The following ZPLD1 variants were observed in gnomAD, a reference collection of about 807,000 sequenced individuals.
The protein encoded by ZPLD1 is zona pellucida like domain containing 1.
Under a neutral mutation model 47.2 loss-of-function variants are expected in ZPLD1, and 34 were observed. The observed-to-expected ratio is 0.72, with a 90% CI of 0.55 to 0.96. The LOEUF (loss-of-function observed/expected upper bound fraction) is 0.96, where lower values mean the gene tolerates loss of function less well. Ranked by LOEUF, ZPLD1 falls within the 40% of genes least tolerant of loss-of-function variation. The probability of loss-of-function intolerance (pLI) is 0.00; values close to 1 mark genes in which losing one functional copy is unlikely to be tolerated. For missense variants in ZPLD1, 512 were observed against 505.8 expected (o/e 1.01, Z -0.12); for synonymous variants, 176 against 186.2 (o/e 0.95, Z 0.45).
At chr3:102,398,552 T>G (rs1482961524) in intron 7 of ZPLD1, among the ~76,000 whole-genome samples, 1 of 152,122 alleles carries the variant, frequency 6.6e-6, no homozygotes, top group Non-Finnish European at 1.5e-5. Flanking sequence ...GACATCTTCC[T>G]AAAACACTGT....
chr3:102,417,510 A>G (rs181782964), intron 7 of ZPLD1, among the ~76,000 whole-genome samples: 23 of 151,960 alleles, frequency 1.5e-4, no homozygotes, highest in South Asian at 4.2e-4. Flanking sequence ...GGAGGCCCCT[A>G]AACAAAAGCC....
intron 3 of ZPLD1, among the ~76,000 whole-genome samples, chr3:102,440,183 CT>C (rs1485198262): frequency 6.6e-6 from 1 of 152,092 alleles, no homozygotes; most frequent in Non-Finnish European, 1.5e-5. Flanking sequence ...GTCACTGAGT[CT>C]TTTTAAACAT....
chr3:102,391,350 C>T (rs1459837457), intron 6 of ZPLD1, among the ~76,000 whole-genome samples: 1 of 152,104 alleles, frequency 6.6e-6, no homozygotes. Context: ...TCCAAATTGC[C>T]ACAACAATGT....
In ZPLD1 at chr3:102,436,788, T is replaced by C. The variant is rs1002716730; in HGVS notation, c.-122-72T>C. ...GTTATTTTCTCCTGTGAAAAATATA[T>C]GTTAGCTAGAAAGCATTTCAGAACC... On this transcript the variant is annotated intron_variant, in intron 1 of 11. Transcript: ENST00000466937. The C allele has an allele frequency of 2.2e-5, 14 of 627,720 alleles. No homozygotes were observed. In the Admixed American group the frequency reaches 3.8e-4, roughly 17 times the overall value. 38.9% of individuals were successfully genotyped at this position (627,720 alleles called of 1,614,324 possible).
chr3:102,395,256 A>G (rs993594676), intron 7 of ZPLD1, among the ~76,000 whole-genome samples: 3 of 152,100 alleles, frequency 2.0e-5, no homozygotes, highest in Non-Finnish European at 4.4e-5. Context: ...CCAAATATAT[A>G]TATATACACA....
At chr3:102,460,701 C>T (rs1707492727) in intron 6 of ZPLD1, among the ~76,000 whole-genome samples, 1 of 151,782 alleles carries the variant, frequency 6.6e-6, no homozygotes, top group Non-Finnish European at 1.5e-5. Flanking sequence ...AAATTAAAGT[C>T]AGAAAATTAC....
chr3:102,385,570 T>C (rs1706416150), intron 6 of ZPLD1, among the ~76,000 whole-genome samples: 1 of 152,200 alleles, frequency 6.6e-6, no homozygotes, highest in Non-Finnish European at 1.5e-5. Context: ...TTTATATATT[T>C]ACAAAGGGCT....
At chr3:102,389,161 T>A (rs1424396476) in intron 6 of ZPLD1, among the ~76,000 whole-genome samples, 2 of 152,182 alleles carry the variant, frequency 1.3e-5, no homozygotes, top group Non-Finnish European at 2.9e-5. Context: ...GGAAGGCTGG[T>A]CCTTAAAAAA....
At chr3:102,413,712 G>C (rs773615940) in intron 7 of ZPLD1, among the ~76,000 whole-genome samples, 1 of 151,664 alleles carries the variant, frequency 6.6e-6, no homozygotes, top group African/African-American at 2.4e-5. Context: ...GATTTTAGTA[G>C]AAAATGATCC....
rs985721622 is a variant in ZPLD1 at position 102,479,539 on chromosome 3, T to C, written c.*1921T>C. 7.2e-5 allele frequency: 11 copies of C among 152,192 alleles called. No homozygotes were observed. The highest frequency in any genetic ancestry group is 2.2e-4 in the African/African-American group (9 of 41,450). The allele number at this position is 152,192 out of a possible 1,614,324, so 9.4% of individuals were successfully genotyped here. On this transcript the variant is annotated 3_prime_UTR_variant, in exon 12 of 12. Coordinates refer to ENST00000466937, the MANE Select transcript of ZPLD1 (RefSeq NM_001329788.2). ...TATAGAATTGAATAATGGACACATGTCACTTGGGAAGCAACGTAAGTATCA... is the reference window on the plus strand; with the variant it reads ...TATAGAATTGAATAATGGACACATGCCACTTGGGAAGCAACGTAAGTATCA...
At chr3:102,470,998 C>T (rs1409460533) in intron 10 of ZPLD1, among the ~76,000 whole-genome samples, 9 of 151,992 alleles carry the variant, frequency 5.9e-5, no homozygotes, top group Admixed American at 5.9e-4. Flanking sequence ...AGGCTGGTCT[C>T]GAACTCCTGA....
chr3:102,402,770 T>C (rs150961656), intron 7 of ZPLD1, among the ~76,000 whole-genome samples: 1 of 152,104 alleles, frequency 6.6e-6, no homozygotes, highest in East Asian at 1.9e-4. Flanking sequence ...TTCCTTCAGG[T>C]AGGGCTGTGT....
chr3:102,399,537 G>A (rs145015465), intron 7 of ZPLD1, among the ~76,000 whole-genome samples: 4 of 151,122 alleles, frequency 2.6e-5, no homozygotes, highest in East Asian at 2.0e-4. Context: ...CTAGTTCTCG[G>A]TCAGTATATG....
chr3:102,432,563 A>G (rs2107315449), upstream of ZPLD1, among the ~76,000 whole-genome samples: 1 of 152,316 alleles, frequency 6.6e-6, no homozygotes, highest in South Asian at 2.1e-4. Flanking sequence ...TGTTGAGGTC[A>G]TTTGTCTCTG....
At chr3:102,456,021 GTC>G (rs1707407571) in intron 4 of ZPLD1, among the ~76,000 whole-genome samples, 170 bp from the exon 5 acceptor site, 1 of 152,050 alleles carries the variant, frequency 6.6e-6, no homozygotes, top group African/African-American at 2.4e-5. Flanking sequence ...TTACTTACAT[GTC>G]ACTTATAAAT....
At chr3:102,431,807 G>A (rs1042906749), upstream of ZPLD1, among the ~76,000 whole-genome samples, 5 of 152,222 alleles carry the variant, frequency 3.3e-5, no homozygotes, top group Non-Finnish European at 7.3e-5. Flanking sequence ...TACTCAGGAG[G>A]CTGAGGCAGG....
chr3:102,422,796 A>G (rs1435954480), intron 8 of ZPLD1, among the ~76,000 whole-genome samples: 3 of 151,312 alleles, frequency 2.0e-5, no homozygotes, highest in African/African-American at 7.3e-5. Context: ...GAAACATGTG[A>G]TTGGGCAGAT....
upstream of ZPLD1, among the ~76,000 whole-genome samples, chr3:102,431,026 G>A (rs1486050459): frequency 6.6e-6 from 1 of 152,172 alleles, no homozygotes; most frequent in African/African-American, 2.4e-5. Context: ...GAATTATTAA[G>A]GGAAAGCTTT....
At chr3:102,464,681 T>G (rs909228536) in intron 8 of ZPLD1, among the ~76,000 whole-genome samples, 1 of 152,226 alleles carries the variant, frequency 6.6e-6, no homozygotes, top group Non-Finnish European at 1.5e-5. Flanking sequence ...AAAATACTTT[T>G]GTTCATTTAT....
Sources: allele counts gnomAD v4.1 joint callset (sites outside exome capture counted in the v4.1 genomes callset), GRCh38; gene constraint gnomAD v4.1.1; transcripts MANE v1.5; gene names NCBI Gene and HGNC (gene_info 2026-07-23, HGNC 2026-07-21).